C4orf54: variants seen among roughly 807,000 people sequenced by gnomAD.
The protein encoded by C4orf54 is uncharacterized protein C4orf54.
Under a neutral mutation model 80.1 loss-of-function variants are expected in C4orf54, and 67 were observed. The ratio of observed to expected loss-of-function variants is 0.84; its 90% CI spans 0.69 to 1.03. The LOEUF (loss-of-function observed/expected upper bound fraction) is 1.03. Among genes scored for constraint, C4orf54 ranks in the 50% least tolerant of loss-of-function variants. The pLI, the probability that C4orf54 is intolerant of heterozygous loss-of-function variation, is 0.00. For missense variants in C4orf54, 2,434 were observed against 2,253.5 expected (o/e 1.08, Z -1.62); for synonymous variants, 1,000 against 917.0 (o/e 1.09, Z -1.64).
intron 1 of C4orf54, among the ~76,000 whole-genome samples, chr4:99,654,992 A>G (rs1726956515): frequency 6.6e-6 from 1 of 152,250 alleles, no homozygotes; most frequent in Non-Finnish European, 1.5e-5. Context: ...TTTCGCATGA[A>G]TTAAGGACAC....
rs866958497 is a variant in C4orf54 at position 99,653,785 on chromosome 4, G to A, written c.864C>T (p.Asp288=). The change falls in exon 2 of 3, where the codon GAC becomes GAT. Residue 288 remains aspartate, a synonymous_variant. Transcript: ENST00000511828. ...CCAGAGCCCCTGTGGATGTGGTGGA[G>A]TCCTCCATTTTGGAAAGGCCATCCT... ...AEEDGLSKME[D]STTSTGALAT... The A allele has an allele frequency of 1.3e-6, 2 of 1,536,142 alleles. No individual in the cohort carries two copies. Among genetic ancestry groups the A allele is most frequent in the South Asian group, 1.2e-5 (1 of 84,056 alleles).
At chr4:99,643,269 T>C (rs758683540) in intron 2 of C4orf54, among the ~76,000 whole-genome samples, 6 of 152,176 alleles carry the variant, frequency 3.9e-5, no homozygotes, top group Non-Finnish European at 8.8e-5. Flanking sequence ...ATGTACCCCA[T>C]TTTACAGATG....
In C4orf54 at chr4:99,650,298, C is replaced by G. The variant is rs1022242512; in HGVS notation, c.4351G>C (p.Val1451Leu). The part of the protein sequence containing the change: ...SPATRAPPDE[V>L]TNRKSGSNLE... Reference sequence around the variant, plus strand: ...TTGCTGCCACTTTTCCTGTTGGTCACCTCATCAGGAGGTGCCCGGGTGGCT... The same window carrying G: ...TTGCTGCCACTTTTCCTGTTGGTCAGCTCATCAGGAGGTGCCCGGGTGGCT... Residue 1451 changes from valine to leucine, a missense_variant, in exon 2 of 3, where the codon GTG becomes CTG. Coordinates refer to ENST00000511828, the MANE Select transcript of C4orf54 (RefSeq NM_001354435.2). 3.6e-5 allele frequency: 55 copies of G among 1,535,988 alleles called. No individual in the cohort carries two copies. The highest frequency in any genetic ancestry group is 4.6e-5 in the Non-Finnish European group (53 of 1,146,912).
In C4orf54 at chr4:99,651,324, T is replaced by C; in HGVS notation, c.3325A>G (p.Arg1109Gly). 1 of 1,536,164 alleles carries C rather than the reference T, an allele frequency of 6.5e-7. No homozygotes were observed. Among genetic ancestry groups the C allele is most frequent in the Non-Finnish European group, 8.7e-7 (1 of 1,146,926 alleles). ...TCCCCTGACCCTTTAATTAGTTTCC[T>C]GACATCTCTCACCTGGTGGAGGGGG... ...QGPLHQVRDV[R>G]KLIKGSGDSS... The change falls in exon 2 of 3, where the codon AGG becomes GGG. Residue 1109 changes from arginine (R) to glycine (G), a missense_variant. Arg to Gly is a moderately radical substitution (Grantham distance 125, BLOSUM62 -2). Coordinates refer to ENST00000511828, the MANE Select transcript of C4orf54 (RefSeq NM_001354435.2).
chr4:99,650,063 C>A lies in C4orf54; in HGVS notation c.4586G>T (p.Arg1529Leu), dbSNP rs1421609707. 3 of 1,535,680 alleles carry A rather than the reference C, an allele frequency of 2.0e-6. No homozygotes were observed. Among genetic ancestry groups the A allele is most frequent in the African/African-American group, 1.4e-5 (1 of 72,916 alleles). Residue 1529 changes from arginine to leucine, a missense_variant, in exon 2 of 3, where the codon CGA becomes CTA. Arg to Leu is a moderately radical substitution (Grantham distance 102). Coordinates refer to ENST00000511828, the MANE Select transcript of C4orf54 (RefSeq NM_001354435.2). ...SKGSQVSGTS[R>L]PAWRTKPDNP... ...GTCAGGTTTGGTACGCCAAGCTGGTCGGCTGGTTCCACTAACCTGAGAGCC... is the reference window on the plus strand; with the variant it reads ...GTCAGGTTTGGTACGCCAAGCTGGTAGGCTGGTTCCACTAACCTGAGAGCC...
At chr4:99,643,739 A>AACACACACACACACACACAC (rs754039570) in intron 2 of C4orf54, among the ~76,000 whole-genome samples, 8 of 98,914 alleles carry the variant, frequency 8.1e-5, no homozygotes, top group South Asian at 4.0e-4. Context: ...CCCAAGCCAC[A>AACACACACACACACACACAC]ACACACACAC....
intron 2 of C4orf54, among the ~76,000 whole-genome samples, chr4:99,645,897 G>A (rs1281338502): frequency 6.6e-6 from 1 of 152,182 alleles, no homozygotes; most frequent in Non-Finnish European, 1.5e-5. Flanking sequence ...ATCACAATGT[G>A]AGATGAGAGT....
chr4:99,651,792 C>G lies in C4orf54; in HGVS notation c.2857G>C (p.Glu953Gln), dbSNP rs747939393. 6.5e-7 allele frequency: 1 copy of G among 1,536,090 alleles called. No homozygotes were observed. The highest frequency in any genetic ancestry group is 1.2e-5 in the South Asian group (1 of 84,052). ...ATAGGGGCTTGTTCCTCCCTCTTCT[C>G]GGCCTCTTTCTCCTTCCATGACCGG... The part of the protein sequence containing the change: ...AFRSWKEKEA[E>Q]KREEQAPIGK... Residue 953 changes from glutamate to glutamine, a missense_variant, in exon 2 of 3, where the codon GAG becomes CAG. Glu to Gln is a conservative substitution (Grantham distance 29, BLOSUM62 2). Coordinates refer to ENST00000511828, the MANE Select transcript of C4orf54 (RefSeq NM_001354435.2).
chr4:99,651,931 G>T lies in C4orf54; in HGVS notation c.2718C>A (p.Arg906=), dbSNP rs142230072. The T allele has an allele frequency of 7.3e-4, 1,117 of 1,536,108 alleles. 6 individuals carry two copies. The African/African-American group carries it at 0.013, about 18-fold the overall frequency. The change falls in exon 2 of 3, where the codon CGC becomes CGA. Residue 906 remains arginine (R), a synonymous_variant. Coordinates refer to ENST00000511828, the MANE Select transcript of C4orf54 (RefSeq NM_001354435.2). ...TGAAATTCCGGCCAGGGCCTGCGTT[G>T]CGCTCGCGAGGAGTACTGGCTTTGA... The part of the protein sequence containing the change: ...PVFKASTPRE[R]NAGPGRNFTD...
At position 99,650,234 on chromosome 4, in the gene C4orf54, GTCA is replaced by G. The variant is rs1315514674; in HGVS notation, c.4412_4414del (p.Leu1471_Thr1472delinsPro). The G allele has an allele frequency of 6.5e-7, 1 of 1,535,968 alleles. No homozygotes were observed. The highest frequency in any genetic ancestry group is 2.4e-5 in the East Asian group (1 of 40,916). ...AGCAGAGCTTCCTTTAAGAGGGATGGTCAGGTAATTCTCACAGTCACTGTTGCT... is the reference window on the plus strand; with the variant it reads ...AGCAGAGCTTCCTTTAAGAGGGATGGGGTAATTCTCACAGTCACTGTTGCT... On this transcript the variant is annotated inframe_deletion, in exon 2 of 3. Transcript: ENST00000511828.
intron 2 of C4orf54, among the ~76,000 whole-genome samples, chr4:99,642,456 A>C (rs1463824818): frequency 6.6e-6 from 1 of 152,218 alleles, no homozygotes; most frequent in Non-Finnish European, 1.5e-5. Flanking sequence ...TAGTCTGAGA[A>C]ATGAAGGAGA....
chr4:99,649,680 G>T lies in C4orf54; in HGVS notation c.4969C>A (p.Pro1657Thr). The T allele has an allele frequency of 6.5e-7, 1 of 1,536,200 alleles. No individual in the cohort carries two copies. Reference sequence around the variant, plus strand: ...AAGGGAGGCACAGAGATGGACATGGGAGCCACAGCCTGCTGCTGGGAGGTC... The same window carrying T: ...AAGGGAGGCACAGAGATGGACATGGTAGCCACAGCCTGCTGCTGGGAGGTC... ...PMTSQQQAVA[P>T]MSISVPPLAL... The change falls in exon 2 of 3, where the codon CCC becomes ACC. Residue 1657 changes from proline (P) to threonine (T), a missense_variant. Physicochemically the swap from Pro to Thr is conservative, Grantham distance 38 (BLOSUM62 -1). Transcript: ENST00000511828.
chr4:99,640,913 G>C lies in C4orf54; in HGVS notation c.*320C>G, dbSNP rs907675395. 6.6e-6 allele frequency: 1 copy of C among 152,128 alleles called. No individual in the cohort carries two copies. The highest frequency in any genetic ancestry group is 2.4e-5 in the African/African-American group (1 of 41,422). 9.4% of individuals were successfully genotyped at this position (152,128 alleles called of 1,614,324 possible). On this transcript the variant is annotated 3_prime_UTR_variant, in exon 3 of 3. Transcript: ENST00000511828. The stretch of plus-strand genomic sequence containing the variant: ...ATTGTTTGTCTAGTCACAAGTACAG[G>C]GGGGAAGGAGGTGAATAGAAAGCTT...
intron 2 of C4orf54, among the ~76,000 whole-genome samples, chr4:99,645,134 G>A (rs1726678657): frequency 1.3e-5 from 2 of 152,038 alleles, no homozygotes; most frequent in Admixed American, 1.3e-4. Flanking sequence ...TGTGACTAAG[G>A]AAGGGTCACT....
rs1204407212 is a variant in C4orf54, at chr4:99,652,272, C to T, written c.2377G>A (p.Gly793Ser). ...YTDDGSETSE[G>S]SKPTSRADGP... ...TCGGCGCGGGAGGTGGGCTTGCTGC[C>T]CTCGGAGGTCTCGGAGCCGTCGTCC... The change falls in exon 2 of 3, where the codon GGC becomes AGC. Residue 793 changes from glycine (G) to serine (S), a missense_variant. Coordinates refer to ENST00000511828, the MANE Select transcript of C4orf54 (RefSeq NM_001354435.2). The T allele has an allele frequency of 2.0e-6, 3 of 1,535,848 alleles. No homozygotes were observed. The highest frequency in any genetic ancestry group is 2.6e-6 in the Non-Finnish European group (3 of 1,146,826).
Position 99,653,993 on chromosome 4 carries a change from G to T in C4orf54, c.656C>A (p.Pro219His), listed in dbSNP as rs1198108433. 1 of 1,536,128 alleles carries T rather than the reference G, an allele frequency of 6.5e-7. No homozygotes were observed. The highest frequency in any genetic ancestry group is 8.7e-7 in the Non-Finnish European group (1 of 1,146,896). Reference sequence around the variant, plus strand: ...GCTCCTAGAGGCCCTCTGACCCCCAGGGCAGTGCCCCAGGGTAAGTTTCAT... The same window carrying T: ...GCTCCTAGAGGCCCTCTGACCCCCATGGCAGTGCCCCAGGGTAAGTTTCAT... Reference protein sequence around the residue: ...QTMKLTLGHCPGGQRASRSPK... With the variant: ...QTMKLTLGHCHGGQRASRSPK... Residue 219 changes from proline to histidine, a missense_variant, in exon 2 of 3, where the codon CCT becomes CAT. Transcript: ENST00000511828.
Position 99,649,543 on chromosome 4 carries a change from T to C in C4orf54, c.5106A>G (p.Arg1702=). 1.3e-6 allele frequency: 2 copies of C among 1,536,108 alleles called. No homozygotes were observed. The highest frequency in any genetic ancestry group is 1.7e-6 in the Non-Finnish European group (2 of 1,146,910). Residue 1702 remains arginine, a synonymous_variant, in exon 2 of 3, where the codon AGA becomes AGG. Transcript: ENST00000511828. ...LQPTPIARAP[R]GSELSPMVAE... is the part of the protein sequence containing the mutation. Reference sequence around the variant, plus strand: ...CCACCATTGGGGAGAGCTCACTTCCTCTTGGAGCGCGAGCAATTGGTGTGG... The same window carrying C: ...CCACCATTGGGGAGAGCTCACTTCCCCTTGGAGCGCGAGCAATTGGTGTGG...
In C4orf54 at chr4:99,650,354, G is replaced by A. The variant is rs753766721; in HGVS notation, c.4295C>T (p.Ser1432Leu). 28 of 1,535,956 alleles carry A rather than the reference G, an allele frequency of 1.8e-5. 1 individual carries two copies. In the South Asian group the frequency reaches 2.3e-4, roughly 12 times the overall value. The change falls in exon 2 of 3, where the codon TCG becomes TTG. Residue 1432 changes from serine (S) to leucine (L), a missense_variant. Physicochemically the swap from Ser to Leu is moderately radical, Grantham distance 145. Transcript: ENST00000511828. Reference sequence around the variant, plus strand: ...GATCTTGAGGGACCGGAGTCCCTGCGACTTGATGCCCTTAGCTGCTGAAGG... The same window carrying A: ...GATCTTGAGGGACCGGAGTCCCTGCAACTTGATGCCCTTAGCTGCTGAAGG... ...ESPSAAKGIK[S>L]QGLRSLKISP...
chr4:99,654,291 G>T lies in C4orf54; in HGVS notation c.358C>A (p.Gln120Lys). 4 of 1,533,298 alleles carry T rather than the reference G, an allele frequency of 2.6e-6. No individual in the cohort carries two copies. Among genetic ancestry groups the T allele is most frequent in the Non-Finnish European group, 3.5e-6 (4 of 1,144,322 alleles). 95.0% of individuals were successfully genotyped at this position (1,533,298 alleles called of 1,614,324 possible). A position where few individuals can be genotyped will look rare whatever the true frequency, so the allele number is the denominator to read the frequency against. Residue 120 changes from glutamine (Q) to lysine (K), a missense_variant, in exon 2 of 3, where the codon CAG (glutamine) becomes AAG (lysine). Gln to Lys is a moderately conservative substitution (Grantham distance 53). Coordinates refer to ENST00000511828, the MANE Select transcript of C4orf54 (RefSeq NM_001354435.2). The part of the protein sequence containing the change: ...LRATLQPLRG[Q>K]RRTQDFPSDH... ...CTGGGGAAGTCTTGGGTCCGTCTCT[G>T]GCCCCGGAGGGGCTGCAGAGTTGCC...
Sources: allele counts gnomAD v4.1 joint callset (sites outside exome capture counted in the v4.1 genomes callset), GRCh38; gene constraint gnomAD v4.1.1; transcripts MANE v1.5; gene names NCBI Gene and HGNC (gene_info 2026-07-23, HGNC 2026-07-21).